Variants in PVT1 observed in about 807,000 individuals in gnomAD.
The protein encoded by PVT1 is CXCR4/PVT1 fusion.
At chr8:127,908,530 CG>C (rs1815852094) in intron 3 of PVT1, among the ~76,000 whole-genome samples, 1 of 151,880 alleles carries the variant, frequency 6.6e-6, no homozygotes, top group South Asian at 2.1e-4. Context: ...TTAGTAAAGA[CG>C]GGGTTTCACC....
intron 2 of PVT1, among the ~76,000 whole-genome samples, chr8:127,830,329 A>G (rs1814835445): frequency 1.3e-5 from 2 of 152,226 alleles, no homozygotes; most frequent in African/African-American, 4.8e-5. Context: ...AGATAGCAGA[A>G]GTGGAGGGAG....
At chr8:127,952,739 C>G (rs1586452748) in intron 3 of PVT1, among the ~76,000 whole-genome samples, 1 of 151,764 alleles carries the variant, frequency 6.6e-6, no homozygotes, top group Admixed American at 6.6e-5. Flanking sequence ...TTTAGAATCA[C>G]AAGCTGTGTC....
At chr8:127,893,516 C>T (rs1282832573) in intron 3 of PVT1, among the ~76,000 whole-genome samples, 1 of 152,100 alleles carries the variant, frequency 6.6e-6, no homozygotes, top group African/African-American at 2.4e-5. Context: ...TAAAGAGCTG[C>T]GATTACAAGC....
chr8:127,958,185 C>T (rs1281859157), intron 3 of PVT1, among the ~76,000 whole-genome samples: 4 of 152,152 alleles, frequency 2.6e-5, no homozygotes, highest in African/African-American at 9.7e-5. Context: ...CTATACCAAC[C>T]TTAGAAAACT....
chr8:127,937,566 C>G (rs1010051136), intron 3 of PVT1, among the ~76,000 whole-genome samples: 1 of 120,160 alleles, frequency 8.3e-6, no homozygotes, highest in Non-Finnish European at 1.8e-5. Flanking sequence ...CACACACACA[C>G]ACACACACAC....
At chr8:127,820,707 T>G (rs1421882507) in intron 2 of PVT1, among the ~76,000 whole-genome samples, 4 of 152,002 alleles carry the variant, frequency 2.6e-5, no homozygotes, top group South Asian at 2.1e-4. Flanking sequence ...GTTTTGTTTT[T>G]TTTTTTTCTT....
chr8:128,018,850 C>T (rs1248350587), intron 4 of PVT1, among the ~76,000 whole-genome samples: 3 of 152,182 alleles, frequency 2.0e-5, no homozygotes, highest in Non-Finnish European at 4.4e-5. Flanking sequence ...TCCCTGAATC[C>T]GACAGTGGTA....
chr8:127,907,938 C>A (rs1010204907), intron 3 of PVT1, among the ~76,000 whole-genome samples: 4 of 152,106 alleles, frequency 2.6e-5, no homozygotes, highest in African/African-American at 9.7e-5. Context: ...GATTGTGTTT[C>A]CCTCCAAGCA....
rs544376296 is a variant in PVT1, at chr8:127,848,569, G to C, written n.373-42020G>C. 9.2e-5 allele frequency among the ~76,000 whole-genome samples: 14 copies of C among 152,316 alleles called. No individual in the cohort carries two copies. In the East Asian group the frequency reaches 2.5e-3, roughly 27 times the overall value. On this transcript the variant is annotated intron_variant and non_coding_transcript_variant, in intron 2 of 10. Coordinates refer to ENST00000651587, the Ensembl canonical transcript of PVT1. ...GTGGTGGCACATGCCTGTAATCCCA[G>C]CTACTTGGGAGGCTGAGGCAGGAGA...
chr8:128,011,807 G>A (rs1817317476), intron 4 of PVT1, among the ~76,000 whole-genome samples: 1 of 152,122 alleles, frequency 6.6e-6, no homozygotes, highest in South Asian at 2.1e-4. Flanking sequence ...GAACCAAAAT[G>A]GAAAGGTAGA....
At chr8:128,071,528 T>TAAA (rs879437083) in intron 5 of PVT1, among the ~76,000 whole-genome samples, 103 of 148,612 alleles carry the variant, frequency 6.9e-4, no homozygotes, top group South Asian at 4.3e-3. Flanking sequence ...TAAAAATTTT[T>TAAA]AAAAAAAAAA....
rs1815010179 is a variant in PVT1 at position 127,844,625 on chromosome 8, CAT to C, written n.373-45963_373-45962del. Among the ~76,000 whole-genome samples, 4 of 152,336 alleles carry C rather than the reference CAT, an allele frequency of 2.6e-5. No homozygotes were observed. In the South Asian group the frequency reaches 8.3e-4, roughly 32 times the overall value. On this transcript the variant is annotated intron_variant and non_coding_transcript_variant, in intron 2 of 10. Transcript: ENST00000651587. The stretch of plus-strand genomic sequence containing the variant: ...TGTTAACTGTGAACAGAGCCCTTTT[CAT>C]CCTCTTGCATCAGAATTCCTGTCTC...
intron 2 of PVT1, among the ~76,000 whole-genome samples, chr8:127,812,231 G>A (rs1001764392): frequency 2.2e-5 from 3 of 135,560 alleles, no homozygotes; most frequent in Non-Finnish European, 4.6e-5. Context: ...AGGCAGGAAG[G>A]CAGGAAGGAA....
intron 4 of PVT1, among the ~76,000 whole-genome samples, chr8:128,036,781 C>G (rs1453867654): frequency 6.6e-6 from 1 of 152,152 alleles, no homozygotes; most frequent in Non-Finnish European, 1.5e-5. Flanking sequence ...GTTACCGCAC[C>G]TGGGTTTTGC....
At chr8:127,952,187 G>C (rs1816513308) in intron 3 of PVT1, among the ~76,000 whole-genome samples, 1 of 152,158 alleles carries the variant, frequency 6.6e-6, no homozygotes, top group African/African-American at 2.4e-5. Context: ...GCAATGCCTG[G>C]CTCACGACCG....
intron 3 of PVT1, among the ~76,000 whole-genome samples, chr8:127,957,290 T>C (rs919709942): frequency 6.6e-6 from 1 of 152,076 alleles, no homozygotes; most frequent in African/African-American, 2.4e-5. Context: ...GTCTTCTGGC[T>C]GGACACGGTG....
chr8:127,937,392 G>C (rs564439539), intron 3 of PVT1, among the ~76,000 whole-genome samples: 138 of 151,944 alleles, frequency 9.1e-4, no homozygotes, highest in Non-Finnish European at 1.5e-3. Context: ...GGGATTCCAG[G>C]TGTGTGCCAT....
At chr8:127,974,909 T>C (rs1471681946) in intron 3 of PVT1, among the ~76,000 whole-genome samples, 1 of 151,972 alleles carries the variant, frequency 6.6e-6, no homozygotes, top group African/African-American at 2.4e-5. Flanking sequence ...CACTTTTTTT[T>C]AATCCTAAAG....
chr8:127,847,981 G>A lies in PVT1; in HGVS notation n.373-42608G>A, dbSNP rs187818264. Among the ~76,000 whole-genome samples the A allele has an allele frequency of 2.0e-5, 3 of 152,196 alleles. No homozygotes were observed. In the East Asian group the frequency reaches 5.8e-4, roughly 29 times the overall value. The stretch of plus-strand genomic sequence containing the variant: ...TGCAGTGGTGTGATCATAGCTTGCT[G>A]CAACCTCAGACTATGAAGGAGACTC... On this transcript the variant is annotated intron_variant and non_coding_transcript_variant, in intron 2 of 10. Transcript: ENST00000651587.
Sources: allele counts gnomAD v4.1 joint callset (sites outside exome capture counted in the v4.1 genomes callset), GRCh38; gene constraint gnomAD v4.1.1; transcripts MANE v1.5; gene names NCBI Gene and HGNC (gene_info 2026-07-23, HGNC 2026-07-21).